Variants in REXO5 observed in about 807,000 individuals in gnomAD.
REXO5 encodes RNA exonuclease 5, also known as exonuclease NEF-sp.
A neutral mutation model predicts 88.5 loss-of-function variants in REXO5; 48 were observed. The ratio of observed to expected loss-of-function variants is 0.54; its 90% confidence interval spans 0.43 to 0.69. REXO5 has a LOEUF of 0.69. Ranked by LOEUF, REXO5 falls within the 30% of genes least tolerant of loss-of-function variation. The pLI, the probability that REXO5 is intolerant of heterozygous loss-of-function variation, is 0.00. For missense variants in REXO5, 749 were observed against 912.2 expected (o/e 0.82, Z 2.30); for synonymous variants, 311 against 336.5 (o/e 0.92, Z 0.83).
At chr16:20,816,324 AAT>A in intron 5 of REXO5, 112 bp downstream of exon 5, 3 of 722,328 alleles carry the variant, frequency 4.2e-6, no homozygotes, top group Non-Finnish European at 6.0e-6. Context: ...GCACAAAAAC[AAT>A]TTTTTTTTTT....
At chr16:20,843,347 G>A (rs1051163675) in intron 15 of REXO5, among the ~76,000 whole-genome samples, 1 of 152,080 alleles carries the variant, frequency 6.6e-6, no homozygotes, top group African/African-American at 2.4e-5. Context: ...TGCTGTTAGT[G>A]TCCTTTGATA....
At position 20,833,122 on chromosome 16, in the gene REXO5, AG is replaced by A; in HGVS notation, c.1383+1del. On this transcript the variant is annotated frameshift_variant and splice_region_variant, in exon 13 of 20. Transcript: ENST00000261377. LOFTEE classifies it high-confidence loss of function. ...CQTIKCLSNK[E>X]VLEQARVEIP... ...ACTATTAAGTGTCTTTCAAATAAAG[AG>A]GTGAGTGGCCTGCTGAACCTTTGCA... The A allele has an allele frequency of 6.2e-7, 1 of 1,612,938 alleles. No individual in the cohort carries two copies. The highest frequency in any genetic ancestry group is 1.3e-5 in the African/African-American group (1 of 75,036).
chr16:20,828,468 T>C lies in REXO5; in HGVS notation c.1089T>C (p.His363=). The change falls in exon 11 of 20, where the codon CAT becomes CAC. Residue 363 remains histidine, a synonymous_variant. Transcript: ENST00000261377. Reference sequence around the variant, plus strand: ...TACAGTGTCCAGACAGACTTGGTCATGATGCCACAGAAGATGCTAGAACAA... The same window carrying C: ...TACAGTGTCCAGACAGACTTGGTCACGATGCCACAGAAGATGCTAGAACAA... ...KDIQCPDRLG[H]DATEDARTIL... 4 of 1,613,968 alleles carry C rather than the reference T, an allele frequency of 2.5e-6. No individual in the cohort carries two copies. Among genetic ancestry groups the C allele is most frequent in the Non-Finnish European group, 3.4e-6 (4 of 1,179,860 alleles).
chr16:20,818,168 C>T (rs1308620161), intron 5 of REXO5, among the ~76,000 whole-genome samples: 2 of 152,130 alleles, frequency 1.3e-5, no homozygotes, highest in East Asian at 3.8e-4. Context: ...CTTTCCCTGC[C>T]CCAATATTTC....
chr16:20,840,687 G>T (rs2081513116), intron 15 of REXO5, among the ~76,000 whole-genome samples: 1 of 152,152 alleles, frequency 6.6e-6, no homozygotes, highest in South Asian at 2.1e-4. Flanking sequence ...GAGAAATCTG[G>T]CTGGGCGCAG....
At chr16:20,843,896 T>C (rs2081567004) in intron 15 of REXO5, 38 bp from the exon 16 acceptor site, 1 of 1,436,356 alleles carries the variant, frequency 7.0e-7, no homozygotes, top group South Asian at 1.2e-5. Flanking sequence ...CAGTTTGAGC[T>C]GGAAAGCAAT....
chr16:20,821,748 T>C lies in REXO5; in HGVS notation c.476-14T>C, dbSNP rs1378262360. The C allele has an allele frequency of 6.4e-6, 10 of 1,562,320 alleles. No homozygotes were observed. In the Middle Eastern group the frequency reaches 1.6e-3, roughly 243 times the overall value. On this transcript the variant is annotated splice_polypyrimidine_tract_variant and intron_variant, in intron 5 of 19. Transcript: ENST00000261377. ...ACACACATTCTAATATACGTTCAATTGTTTTTCTTTCAGGGCCTTTACCTT... is the reference window on the plus strand; with the variant it reads ...ACACACATTCTAATATACGTTCAATCGTTTTTCTTTCAGGGCCTTTACCTT...
intron 6 of REXO5, 98 bp downstream of exon 6, chr16:20,822,000 T>C (rs1376079237): frequency 2.4e-6 from 3 of 1,251,770 alleles, no homozygotes; most frequent in Non-Finnish European, 3.2e-6. Context: ...GGCTGTTTTC[T>C]GAGTGGCTTA....
At chr16:20,847,863 C>T (rs997882122) in intron 19 of REXO5, among the ~76,000 whole-genome samples, 4 of 152,128 alleles carry the variant, frequency 2.6e-5, no homozygotes, top group Admixed American at 1.3e-4. Flanking sequence ...GATTACAGTC[C>T]ACCATTGTTT....
In REXO5 at chr16:20,830,990, G is replaced by GTTTT. The variant is rs11337519; in HGVS notation, c.1159-1147_1159-1144dup. Among the ~76,000 whole-genome samples the GTTTT allele has an allele frequency of 1.1e-3, 107 of 97,052 alleles. 2 individuals carry two copies. The highest frequency in any genetic ancestry group is 3.0e-3 in the African/African-American group (79 of 26,072). 63.7% of individuals were successfully genotyped at this position (97,052 alleles called of 152,430 possible). A position where few individuals can be genotyped will look rare whatever the true frequency, so the allele number is the denominator to read the frequency against. ...CACAAATCACTTTTTTTCTTTTTCT[G>GTTTT]TTTTTTTTTTTTTTTTTTTTTTGAG... On this transcript the variant is annotated intron_variant, in intron 11 of 19. Transcript: ENST00000261377.
chr16:20,827,187 A>G lies in REXO5; in HGVS notation c.951A>G (p.Arg317=), dbSNP rs770481780. Residue 317 remains arginine, a synonymous_variant, in exon 9 of 20, where the codon AGA becomes AGG. Transcript: ENST00000261377. ...LVGHSLDLDL[R]ALKMIHPYVI... ...GCCACTCCTTAGATTTGGATCTCAG[A>G]GCACTGAAAGTGAGTATCTGATTTA... The G allele has an allele frequency of 6.7e-5, 108 of 1,614,154 alleles. 1 individual carries two copies. The South Asian group carries it at 7.2e-4, about 11-fold the overall frequency.
chr16:20,821,378 TCG>T (rs1483536755), intron 5 of REXO5, among the ~76,000 whole-genome samples: 3 of 152,086 alleles, frequency 2.0e-5, no homozygotes, highest in Admixed American at 2.0e-4. Flanking sequence ...GCTCTGCCTC[TCG>T]GGTTCACGCC....
At position 20,847,608 on chromosome 16, in the gene REXO5, G is replaced by A. The variant is rs770637365; in HGVS notation, c.2243+1269G>A. Among the ~76,000 whole-genome samples the A allele has an allele frequency of 3.5e-4, 54 of 152,150 alleles. 1 individual carries two copies. The highest frequency in any genetic ancestry group is 4.4e-4 in the Non-Finnish European group (30 of 68,030). On this transcript the variant is annotated intron_variant, in intron 19 of 19. Transcript: ENST00000261377. ...CCTACTGGGCACCTTTGAAAGAACC[G>A]CTTTCTCTGAAAAGCAGAAACAAGT...
At chr16:20,807,899 G>GTCTGT (rs922692938) in intron 2 of REXO5, among the ~76,000 whole-genome samples, 12 of 152,036 alleles carry the variant, frequency 7.9e-5, no homozygotes, top group African/African-American at 2.9e-4. Flanking sequence ...ACTAGTACCT[G>GTCTGT]CCTGTCCATG....
At chr16:20,846,008 C>T (rs2081600979) in intron 18 of REXO5, among the ~76,000 whole-genome samples, 1 of 152,176 alleles carries the variant, frequency 6.6e-6, no homozygotes, top group African/African-American at 2.4e-5. Flanking sequence ...CAGTAGCTGT[C>T]CTCCCCTGAG....
intron 15 of REXO5, among the ~76,000 whole-genome samples, chr16:20,842,333 GTCT>G (rs1396688779): frequency 6.6e-6 from 1 of 151,920 alleles, no homozygotes; most frequent in African/African-American, 2.4e-5. Flanking sequence ...CATTTAGCAT[GTCT>G]TCAAGGTTCA....
chr16:20,845,380 C>CTCA, intron 18 of REXO5, 139 bp downstream of exon 18: 5 of 587,540 alleles, frequency 8.5e-6, no homozygotes, highest in Non-Finnish European at 1.3e-5. Flanking sequence ...CTGGCCACAT[C>CTCA]TTTTCTCGCA....
At chr16:20,808,253 A>T (rs1187280052) in intron 2 of REXO5, among the ~76,000 whole-genome samples, 1 of 152,200 alleles carries the variant, frequency 6.6e-6, no homozygotes, top group African/African-American at 2.4e-5. Flanking sequence ...AAAAAGGCTG[A>T]TTATCCCTAT....
At chr16:20,838,080 T>A (rs1243667311) in intron 13 of REXO5, among the ~76,000 whole-genome samples, 1 of 152,240 alleles carries the variant, frequency 6.6e-6, no homozygotes, top group African/African-American at 2.4e-5. Flanking sequence ...GCTGTTTTTT[T>A]AATAGTAGTT....
Sources: gnomAD v4.1 joint callset for allele counts (sites outside exome capture counted in the v4.1 genomes callset) on GRCh38, gnomAD v4.1.1 for gene constraint, MANE v1.5 for transcripts, NCBI Gene and HGNC (gene_info 2026-07-23, HGNC 2026-07-21) for gene names.